The following TNRC6C variants were observed in gnomAD, a reference collection of about 807,000 sequenced individuals.
TNRC6C encodes trinucleotide repeat-containing gene 6C protein.
Under a neutral mutation model 153.7 loss-of-function variants are expected in TNRC6C, and 20 were observed. The ratio of observed to expected loss-of-function variants is 0.13; its 90% confidence interval spans 0.09 to 0.19. The LOEUF is 0.19. TNRC6C is among the 10% of genes least tolerant of loss of function. The pLI, the probability that TNRC6C is intolerant of heterozygous loss-of-function variation, is 1.00. For synonymous variants in TNRC6C, 811 were observed against 841.4 expected (o/e 0.96, Z 0.63); for missense variants, 1,987 against 2,172.0 (o/e 0.91, Z 1.69).
At chr17:78,022,719 T>A (rs902167716) in intron 1 of TNRC6C, among the ~76,000 whole-genome samples, 1 of 152,192 alleles carries the variant, frequency 6.6e-6, no homozygotes, top group Admixed American at 6.5e-5. Context: ...TGCATTTTCT[T>A]CATTTCGAGT....
intron 2 of TNRC6C, among the ~76,000 whole-genome samples, chr17:78,039,535 G>A (rs1242483721): frequency 6.6e-6 from 1 of 152,232 alleles, no homozygotes; most frequent in Non-Finnish European, 1.5e-5. Flanking sequence ...TAATGCTGAT[G>A]TTGAAGTGAA....
At position 78,093,776 on chromosome 17, in the gene TNRC6C, C is replaced by A; in HGVS notation, c.4306+13C>A. On this transcript the variant is annotated intron_variant, in intron 16 of 19. Coordinates refer to ENST00000301624, the Ensembl canonical transcript of TNRC6C. ...CTCAAGAGTGGAGGTGAGGGTGCTG[C>A]TCTTCCTGCCTCTGCATGGACGGTC... is the stretch of plus-strand genomic sequence containing the variant. The A allele has an allele frequency of 6.2e-7, 1 of 1,613,390 alleles. No homozygotes were observed.
chr17:78,080,647 A>G (rs1567956481), intron 10 of TNRC6C, among the ~76,000 whole-genome samples: 3 of 152,150 alleles, frequency 2.0e-5, no homozygotes, highest in South Asian at 2.1e-4. Flanking sequence ...TTGATAATCA[A>G]TGGTATTGAT....
At position 78,067,885 on chromosome 17, in the gene TNRC6C, A is replaced by G. The variant is rs780376885; in HGVS notation, c.2740A>G (p.Ser914Gly). 5 of 1,613,476 alleles carry G rather than the reference A, an allele frequency of 3.1e-6. No homozygotes were observed. The Admixed American group carries it at 8.3e-5, about 27-fold the overall frequency. The change falls in exon 5 of 20, where the codon AGC (serine) becomes GGC (glycine). Residue 914 changes from serine to glycine, a missense_variant. Coordinates refer to ENST00000301624, the Ensembl canonical transcript of TNRC6C. ...TTCCCAAGAAAGCACCTCCTCCTGC[A>G]GCTCCTGGGGGAACGCCCCCAAAAA...
In TNRC6C at chr17:78,049,479, C is replaced by T. The variant is rs1316461417; in HGVS notation, c.417C>T (p.Asn139=). ...GTGCCATAGGTCAAAATATGGGCAA[C>T]CAGAACGGGAACCCAACAGGCACTT... The change falls in exon 3 of 20, where the codon AAC becomes AAT. Residue 139 remains asparagine (N), a synonymous_variant. Transcript: ENST00000301624. The surrounding 1 kb of genome is among the most constrained non-coding windows in gnomAD (Gnocchi z 4.1). 2 of 1,614,014 alleles carry T rather than the reference C, an allele frequency of 1.2e-6. No individual in the cohort carries two copies. The highest frequency in any genetic ancestry group is 1.7e-5 in the Admixed American group (1 of 60,020).
intron 2 of TNRC6C, among the ~76,000 whole-genome samples, chr17:78,039,773 G>C (rs1349506950): frequency 6.6e-6 from 1 of 152,214 alleles, no homozygotes; most frequent in Non-Finnish European, 1.5e-5. Flanking sequence ...ACAACAGAGG[G>C]GAGCCTACAA....
At chr17:78,061,639 A>T (rs201743013) in intron 3 of TNRC6C, among the ~76,000 whole-genome samples, 1 of 152,194 alleles carries the variant, frequency 6.6e-6, no homozygotes, top group Non-Finnish European at 1.5e-5. Flanking sequence ...CACACTTAAG[A>T]ACAGCCACTG....
chr17:78,046,367 G>A (rs949710254), intron 2 of TNRC6C, among the ~76,000 whole-genome samples: 2 of 151,962 alleles, frequency 1.3e-5, no homozygotes, highest in Admixed American at 6.6e-5. Context: ...AAGTAGAGAC[G>A]AGGTTTCACC....
At chr17:78,010,502 A>G (rs2071607634) in intron 1 of TNRC6C, among the ~76,000 whole-genome samples, 1 of 152,202 alleles carries the variant, frequency 6.6e-6, no homozygotes, top group South Asian at 2.1e-4. Flanking sequence ...ATAGAAATAT[A>G]TGTTTTTCAT....
intron 5 of TNRC6C, among the ~76,000 whole-genome samples, chr17:78,069,018 C>A (rs1230931866): frequency 6.6e-6 from 1 of 151,902 alleles, no homozygotes; most frequent in African/African-American, 2.4e-5. Context: ...TCAGAGAGGC[C>A]TAACTATGAC....
chr17:77,964,708 A>G (rs530233186), intron 1 of TNRC6C, among the ~76,000 whole-genome samples: 196 of 152,336 alleles, frequency 1.3e-3, no homozygotes, highest in African/African-American at 4.3e-3. Flanking sequence ...CACCTTTCCA[A>G]CTGTTGTTGA....
intron 13 of TNRC6C, among the ~76,000 whole-genome samples, chr17:78,089,368 A>G (rs1478389915): frequency 1.3e-5 from 2 of 152,266 alleles, no homozygotes; most frequent in African/African-American, 2.4e-5. Flanking sequence ...ATAATATTTT[A>G]TAATATTCAC....
intron 1 of TNRC6C, among the ~76,000 whole-genome samples, chr17:77,979,502 T>C (rs2071044408): frequency 6.6e-6 from 1 of 151,906 alleles, no homozygotes; most frequent in Admixed American, 6.6e-5. Flanking sequence ...AACTAGAAGA[T>C]AGATCAGAAG....
intron 1 of TNRC6C, among the ~76,000 whole-genome samples, chr17:77,976,921 C>T (rs2071006168): frequency 9.5e-6 from 1 of 105,344 alleles, no homozygotes; most frequent in Non-Finnish European, 1.7e-5. Context: ...AAGAGCAAGA[C>T]TCCATCTCAG....
chr17:77,966,184 A>T (rs2070895505), intron 1 of TNRC6C, among the ~76,000 whole-genome samples: 1 of 152,208 alleles, frequency 6.6e-6, no homozygotes. Flanking sequence ...TGACTGGATG[A>T]GTGCAGAGGC....
chr17:78,101,666 G>A (rs896052412), intron 17 of TNRC6C, among the ~76,000 whole-genome samples: 17 of 152,086 alleles, frequency 1.1e-4, no homozygotes, highest in African/African-American at 2.9e-4. Flanking sequence ...CATTGTTTCC[G>A]TAGATACTAG....
intron 16 of TNRC6C, 108 bp downstream of exon 19, chr17:78,097,969 TGGGAG>T (rs1328017727): frequency 3.1e-6 from 3 of 961,198 alleles, no homozygotes; most frequent in Non-Finnish European, 4.5e-6. Flanking sequence ...CTCCCTGAGC[TGGGAG>T]GCCGTGTGGC....
intron 14 of TNRC6C, 71 bp downstream of exon 16, chr17:78,091,678 A>G (rs917982389): frequency 8.4e-6 from 11 of 1,312,570 alleles, no homozygotes; most frequent in Non-Finnish European, 2.0e-6. Flanking sequence ...GTTGTATAGC[A>G]TGGCCATTCT....
At chr17:77,961,496 T>C (rs2070862488) in intron 1 of TNRC6C, among the ~76,000 whole-genome samples, 1 of 146,602 alleles carries the variant, frequency 6.8e-6, no homozygotes, top group Non-Finnish European at 1.5e-5. Flanking sequence ...CGGTTGATAC[T>C]GAGACTGTCT....
Sources: gnomAD v4.1 joint callset for allele counts (sites outside exome capture counted in the v4.1 genomes callset) on GRCh38, gnomAD v4.1.1 for gene constraint, Gnocchi (gnomAD v3.1) non-coding constraint, MANE v1.5 for transcripts, NCBI Gene and HGNC (gene_info 2026-07-23, HGNC 2026-07-21) for gene names.